KLHL28: variants seen among roughly 807,000 people sequenced by gnomAD.
KLHL28 encodes kelch-like protein 28.
A neutral mutation model predicts 48.3 loss-of-function variants in KLHL28; 22 were observed. That is an observed-to-expected ratio of 0.46 (90% CI 0.33 to 0.65). The LOEUF is 0.65. Among genes scored for constraint, KLHL28 ranks in the 30% least tolerant of loss-of-function variants. The pLI is 0.03. For missense variants in KLHL28, 527 were observed against 704.3 expected, an observed-to-expected ratio of 0.75 and a Z score of 2.85; for synonymous variants, 243 against 242.4, an observed-to-expected ratio of 1.00 and a Z score of -0.02.
chr14:44,940,858 T>C (rs747821496), intron 2 of KLHL28, among the ~76,000 whole-genome samples: 1 of 152,202 alleles, frequency 6.6e-6, no homozygotes, highest in Non-Finnish European at 1.5e-5. Flanking sequence ...ATAAAAATAC[T>C]TGGGAGGCTG....
At chr14:44,942,396 G>T (rs1315710029) in intron 2 of KLHL28, among the ~76,000 whole-genome samples, 1 of 152,076 alleles carries the variant, frequency 6.6e-6, no homozygotes, top group East Asian at 1.9e-4. Flanking sequence ...TTAGATAAGA[G>T]GTTCTACAAT....
intron 1 of KLHL28, among the ~76,000 whole-genome samples, chr14:44,958,560 G>T (rs1285557829): frequency 6.6e-6 from 1 of 152,048 alleles, no homozygotes; most frequent in Non-Finnish European, 1.5e-5. Context: ...AATTCTATCA[G>T]TGAGCCTATG....
At chr14:44,932,847 T>A (rs1324653491) in intron 3 of KLHL28, among the ~76,000 whole-genome samples, 1 of 152,080 alleles carries the variant, frequency 6.6e-6, no homozygotes, top group African/African-American at 2.4e-5. Flanking sequence ...GGGCAAAAAA[T>A]ATAAATAAAT....
intron 1 of KLHL28, among the ~76,000 whole-genome samples, chr14:44,949,082 A>G (rs1259982049): frequency 2.0e-5 from 3 of 152,180 alleles, no homozygotes; most frequent in Admixed American, 2.0e-4. Context: ...CTCTCAGACT[A>G]AACAATTATG....
In KLHL28 at chr14:44,956,940, C is replaced by A. The variant is rs548231046; in HGVS notation, c.-1+4906G>T. 2.6e-5 allele frequency among the ~76,000 whole-genome samples: 4 copies of A among 152,314 alleles called. No homozygotes were observed. In the East Asian group the frequency reaches 7.7e-4, roughly 29 times the overall value. ...TCAAGGGATTCTCCCTCCTCAGCCT[C>A]CCAAGTAGCTAGAACTACAGGCGCA... On this transcript the variant is annotated intron_variant, in intron 1 of 4. Coordinates refer to ENST00000396128, the MANE Select transcript of KLHL28 (RefSeq NM_017658.5).
chr14:44,953,972 A>G (rs1884692396), intron 1 of KLHL28, among the ~76,000 whole-genome samples: 1 of 152,216 alleles, frequency 6.6e-6, no homozygotes, highest in Non-Finnish European at 1.5e-5. Context: ...AATACATAAA[A>G]TATTTCTAAA....
At chr14:44,949,271 A>G (rs774426966) in intron 1 of KLHL28, among the ~76,000 whole-genome samples, 6 of 152,126 alleles carry the variant, frequency 3.9e-5, no homozygotes, top group Non-Finnish European at 7.4e-5. Context: ...TACCGATAAG[A>G]AGATGTAGAG....
chr14:44,931,672 C>T lies in KLHL28; in HGVS notation c.1344-131G>A, dbSNP rs1883594585. 3 of 666,710 alleles carry T rather than the reference C, an allele frequency of 4.5e-6. No individual in the cohort carries two copies. The African/African-American group carries it at 5.5e-5, about 12-fold the overall frequency. The allele number at this position is 666,710 out of a possible 1,614,324, so 41.3% of individuals were successfully genotyped here. On this transcript the variant is annotated intron_variant, in intron 3 of 4. Transcript: ENST00000396128. Reference sequence around the variant, plus strand: ...GATATTAAACAAGAGTAGTCTGCCACAAATGCTTAGGTTTTGCTGATAAGA... The same window carrying T: ...GATATTAAACAAGAGTAGTCTGCCATAAATGCTTAGGTTTTGCTGATAAGA...
chr14:44,945,273 T>C lies in KLHL28; in HGVS notation c.656A>G (p.Gln219Arg), dbSNP rs2138630258. 1 of 1,614,178 alleles carries C rather than the reference T, an allele frequency of 6.2e-7. No homozygotes were observed. Among genetic ancestry groups the C allele is most frequent in the Non-Finnish European group, 8.5e-7 (1 of 1,180,012 alleles). Residue 219 changes from glutamine (Q) to arginine (R), a missense_variant, in exon 2 of 5, where the codon CAG becomes CGG. Gln to Arg is a conservative substitution (Grantham distance 43). Transcript: ENST00000396128. ...TGGTAATCGTACACTGTTTAGTAACTGTGCTAAGTATTTCTGGCGTTCTTG... is the reference window on the plus strand; with the variant it reads ...TGGTAATCGTACACTGTTTAGTAACCGTGCTAAGTATTTCTGGCGTTCTTG... ...DVQERQKYLA[Q>R]LLNSVRLPLL...
In KLHL28 at chr14:44,945,707, A is replaced by T. The variant is rs1440828267; in HGVS notation, c.222T>A (p.Ser74Arg). ...CATCAATGCATTGAAACTCAACCTC[A>T]CTGTTCTCTTTTTCAGAAAGGTTTC... ...FTGNLSEKENSEVEFQCIDET... is the reference protein window; with the variant it reads ...FTGNLSEKENREVEFQCIDET... Residue 74 changes from serine (S) to arginine (R), a missense_variant, in exon 2 of 5, where the codon AGT (serine) becomes AGA (arginine). Coordinates refer to ENST00000396128, the MANE Select transcript of KLHL28 (RefSeq NM_017658.5). The T allele has an allele frequency of 6.2e-7, 1 of 1,614,198 alleles. No homozygotes were observed. Among genetic ancestry groups the T allele is most frequent in the South Asian group, 1.1e-5 (1 of 91,084 alleles).
rs1393263477 is a variant in KLHL28, at chr14:44,931,483, T to C, written c.1402A>G (p.Lys468Glu). The change falls in exon 4 of 5, where the codon AAA becomes GAA. Residue 468 changes from lysine to glutamate, a missense_variant. Lys to Glu is a moderately conservative substitution (Grantham distance 56, BLOSUM62 1). Coordinates refer to ENST00000396128, the MANE Select transcript of KLHL28 (RefSeq NM_017658.5). Reference sequence around the variant, plus strand: ...ACACCCACGCCAAAGTGAATCCTTTTATCTGCCATGGATGCAACCATCTCC... The same window carrying C: ...ACACCCACGCCAAAGTGAATCCTTTCATCTGCCATGGATGCAACCATCTCC... ...SWEMVASMAD[K>E]RIHFGVGVML... 6.2e-7 allele frequency: 1 copy of C among 1,614,096 alleles called. No individual in the cohort carries two copies. Among genetic ancestry groups the C allele is most frequent in the Non-Finnish European group, 8.5e-7 (1 of 1,179,992 alleles).
intron 4 of KLHL28, among the ~76,000 whole-genome samples, chr14:44,929,742 A>C (rs1883504667): frequency 6.6e-6 from 1 of 152,156 alleles, no homozygotes; most frequent in Non-Finnish European, 1.5e-5. Context: ...GGAGGCCAAA[A>C]GTTTGAGGCA....
rs1024244397 is a variant in KLHL28, at chr14:44,945,271, A to T, written c.658T>A (p.Leu220Ile). 19 of 1,614,166 alleles carry T rather than the reference A, an allele frequency of 1.2e-5. No homozygotes were observed. The highest frequency in any genetic ancestry group is 1.6e-5 in the Non-Finnish European group (19 of 1,180,008). The change falls in exon 2 of 5, where the codon TTA (leucine) becomes ATA (isoleucine). Residue 220 changes from leucine to isoleucine, a missense_variant. Physicochemically the swap from Leu to Ile is conservative, Grantham distance 5. Transcript: ENST00000396128. ...VQERQKYLAQ[L>I]LNSVRLPLLS... is the part of the protein sequence containing the mutation. ...AATGGTAATCGTACACTGTTTAGTA[A>T]CTGTGCTAAGTATTTCTGGCGTTCT...
intron 2 of KLHL28, 84 bp downstream of exon 2, chr14:44,944,946 C>A: frequency 8.7e-6 from 9 of 1,034,860 alleles, no homozygotes; most frequent in East Asian, 2.6e-5. Flanking sequence ...GAAAATCAAA[C>A]TATTTTTAAA....
At chr14:44,958,085 T>C (rs1440615298) in intron 1 of KLHL28, among the ~76,000 whole-genome samples, 1 of 151,244 alleles carries the variant, frequency 6.6e-6, no homozygotes, top group African/African-American at 2.4e-5. Context: ...CTTTTTTTTT[T>C]TTTTTAATGA....
At chr14:44,944,946 C>T in intron 2 of KLHL28, 84 bp downstream of exon 2, 1 of 1,034,876 alleles carries the variant, frequency 9.7e-7, no homozygotes, top group Non-Finnish European at 1.4e-6. Context: ...GAAAATCAAA[C>T]TATTTTTAAA....
chr14:44,945,799 C>A lies in KLHL28; in HGVS notation c.130G>T (p.Val44Phe). The A allele has an allele frequency of 1.2e-6, 2 of 1,614,164 alleles. No homozygotes were observed. The highest frequency in any genetic ancestry group is 1.3e-5 in the African/African-American group (1 of 75,056). Residue 44 changes from valine (V) to phenylalanine (F), a missense_variant, in exon 2 of 5, where the codon GTT becomes TTT. By Grantham distance (50) the Val-to-Phe change is conservative. Transcript: ENST00000396128. ...LCDIILRVGDVKIHAHKVVLA... is the reference protein window; with the variant it reads ...LCDIILRVGDFKIHAHKVVLA... ...ACCACTTTGTGAGCATGAATTTTAA[C>A]ATCACCTACTCGAAGAATGATGTCA...
At chr14:44,933,909 G>A (rs1435231805) in intron 3 of KLHL28, among the ~76,000 whole-genome samples, 1 of 152,152 alleles carries the variant, frequency 6.6e-6, no homozygotes, top group African/African-American at 2.4e-5. Flanking sequence ...GTGAATGAAT[G>A]TAAAATTTAA....
intron 1 of KLHL28, among the ~76,000 whole-genome samples, chr14:44,955,528 C>A (rs1039868276): frequency 6.6e-6 from 1 of 152,140 alleles, no homozygotes; most frequent in African/African-American, 2.4e-5. Flanking sequence ...ATAATCCCAG[C>A]ACTTTGGGAG....
Sources: gnomAD v4.1 joint callset for allele counts (sites outside exome capture counted in the v4.1 genomes callset) on GRCh38, gnomAD v4.1.1 for gene constraint, MANE v1.5 for transcripts, NCBI Gene and HGNC (gene_info 2026-07-23, HGNC 2026-07-21) for gene names.